Variants in TTC6 observed in about 807,000 individuals in gnomAD.
TTC6 encodes the protein tetratricopeptide repeat protein 6.
A neutral mutation model predicts 210.4 loss-of-function variants in TTC6; 172 were observed. The observed-to-expected ratio is 0.82, with a 90% CI of 0.72 to 0.93. The LOEUF is 0.93. Among genes scored for constraint, TTC6 ranks in the 40% least tolerant of loss-of-function variants. The pLI, the probability that TTC6 is intolerant of heterozygous loss-of-function variation, is 0.00. For missense variants in TTC6, 2,414 were observed against 2,318.1 expected, an observed-to-expected ratio of 1.04 and a Z score of -0.85; for synonymous variants, 804 against 819.6, an observed-to-expected ratio of 0.98 and a Z score of 0.32.
Position 37,724,804 on chromosome 14 carries a change from T to C in TTC6, c.1714-94T>C, listed in dbSNP as rs911849650. On this transcript the variant is annotated intron_variant, in intron 6 of 30. Coordinates refer to ENST00000553443, the Ensembl canonical transcript of TTC6. ...TCAGAAGCTGTGGAACCAAAAATTCTCAGCAACTAAAAATAATTTTGACAG... is the reference window on the plus strand; with the variant it reads ...TCAGAAGCTGTGGAACCAAAAATTCCCAGCAACTAAAAATAATTTTGACAG... The C allele has an allele frequency of 2.7e-5, 18 of 670,752 alleles. No homozygotes were observed. The East Asian group carries it at 5.2e-4, about 19-fold the overall frequency. 41.6% of individuals were successfully genotyped at this position (670,752 alleles called of 1,614,324 possible). A position where few individuals can be genotyped will look rare whatever the true frequency, so the allele number is the denominator to read the frequency against.
chr14:37,736,897 A>G (rs1391243775), intron 8 of TTC6, among the ~76,000 whole-genome samples: 1 of 151,988 alleles, frequency 6.6e-6, no homozygotes, highest in Non-Finnish European at 1.5e-5. Context: ...TGGGACTACA[A>G]GTGTGCACTA....
At chr14:37,742,584 A>T (rs1278779699) in intron 10 of TTC6, among the ~76,000 whole-genome samples, 55 of 145,922 alleles carry the variant, frequency 3.8e-4, no homozygotes, top group Admixed American at 4.8e-4. Context: ...TAATTTTTGC[A>T]TTTTTTTTTT....
At chr14:37,809,919 C>T (rs2096126357) in intron 24 of TTC6, among the ~76,000 whole-genome samples, 1 of 152,162 alleles carries the variant, frequency 6.6e-6, no homozygotes, top group South Asian at 2.1e-4. Flanking sequence ...CTCCTTATTC[C>T]TGCCCATGTC....
At chr14:37,672,817 C>T (rs376337877) in intron 1 of TTC6, among the ~76,000 whole-genome samples, 2 of 133,462 alleles carry the variant, frequency 1.5e-5, no homozygotes. Context: ...TTCATGAATT[C>T]CTCATTTTTT....
At chr14:37,661,597 G>A (rs2095737527) in intron 1 of TTC6, among the ~76,000 whole-genome samples, 1 of 152,164 alleles carries the variant, frequency 6.6e-6, no homozygotes, top group Non-Finnish European at 1.5e-5. Context: ...TTGAAGTCTG[G>A]TAGCAAGATG....
At chr14:37,788,086 A>T (rs1157657979) in intron 15 of TTC6, among the ~76,000 whole-genome samples, 1 of 152,142 alleles carries the variant, frequency 6.6e-6, no homozygotes, top group Non-Finnish European at 1.5e-5. Flanking sequence ...GCTCAGCCCA[A>T]GGGATTTGTC....
chr14:37,778,898 C>T (rs11621617), intron 14 of TTC6, among the ~76,000 whole-genome samples: 2,096 of 152,236 alleles, frequency 0.014, 22 homozygotes, highest in Non-Finnish European at 0.023. Flanking sequence ...CCAACAACTC[C>T]CCTAGGGCTA....
At chr14:37,781,946 G>T (rs545260231) in intron 14 of TTC6, among the ~76,000 whole-genome samples, 1 of 152,082 alleles carries the variant, frequency 6.6e-6, no homozygotes, top group Non-Finnish European at 1.5e-5. Flanking sequence ...TAGGAGTGTG[G>T]TATTATTTCT....
chr14:37,796,410 T>A, intron 19 of TTC6, 40 bp downstream of exon 21: 2 of 842,594 alleles, frequency 2.4e-6, no homozygotes, highest in Non-Finnish European at 3.6e-6. Flanking sequence ...AATACTTCTT[T>A]AAAATTTTTA....
At chr14:37,785,329 T>G (rs1407103528) in intron 14 of TTC6, among the ~76,000 whole-genome samples, 1 of 152,204 alleles carries the variant, frequency 6.6e-6, no homozygotes, top group African/African-American at 2.4e-5. Flanking sequence ...TTCTTTTTAC[T>G]CTTTTTTCTC....
intron 4 of TTC6, among the ~76,000 whole-genome samples, chr14:37,698,601 G>A (rs2095819154): frequency 6.6e-6 from 1 of 151,948 alleles, no homozygotes; most frequent in Non-Finnish European, 1.5e-5. Flanking sequence ...TTTGTCTCAG[G>A]CATTTCTAAA....
intron 19 of TTC6, 123 bp from the exon 22 acceptor site, chr14:37,796,664 A>G: frequency 1.1e-6 from 1 of 902,544 alleles, no homozygotes; most frequent in Non-Finnish European, 1.6e-6. Flanking sequence ...TGTTAATTTT[A>G]TAATTTATTG....
intron 1 of TTC6, among the ~76,000 whole-genome samples, chr14:37,626,374 C>T (rs891430981): frequency 2.6e-4 from 39 of 152,116 alleles, no homozygotes; most frequent in Admixed American, 1.0e-3. Context: ...AAAAGGAAAA[C>T]GGCTTAATAT....
chr14:37,689,122 T>C (rs1776675218), intron 3 of TTC6, among the ~76,000 whole-genome samples: 1 of 149,922 alleles, frequency 6.7e-6, no homozygotes, highest in Non-Finnish European at 1.5e-5. Flanking sequence ...GAAATTGAAA[T>C]AATTAGAAAG....
In TTC6 at chr14:37,603,880, C is replaced by T. The variant is rs114285892; in HGVS notation, c.-234-2783C>T. ...TCAGACCTGGATTCCAATCGAGATA[C>T]TGCAGGGGACTAGCTCTCCCTGAGC... On this transcript the variant is annotated intron_variant, in intron 1 of 2. Transcript: ENST00000556845. Among the ~76,000 whole-genome samples the T allele has an allele frequency of 3.5e-3, 526 of 152,320 alleles. 3 individuals are homozygous for T. Among genetic ancestry groups the T allele is most frequent in the African/African-American group, 0.012 (509 of 41,570 alleles).
At chr14:37,820,530 T>C (rs937047444) in intron 26 of TTC6, among the ~76,000 whole-genome samples, 2 of 152,182 alleles carry the variant, frequency 1.3e-5, no homozygotes, top group Non-Finnish European at 2.9e-5. Flanking sequence ...TCATAAACCA[T>C]ATATTAGAAT....
At chr14:37,834,729 G>A (rs1035815399) in intron 29 of TTC6, among the ~76,000 whole-genome samples, 4 of 152,074 alleles carry the variant, frequency 2.6e-5, no homozygotes, top group Middle Eastern at 3.2e-3. Flanking sequence ...CTTTTGAGGT[G>A]TATTTCTTTG....
intron 1 of TTC6, among the ~76,000 whole-genome samples, chr14:37,644,357 C>T (rs1038257994): frequency 6.6e-6 from 1 of 152,206 alleles, no homozygotes; most frequent in Admixed American, 6.5e-5. Flanking sequence ...CATCTGCATT[C>T]CCAGGGCCAT....
intron 29 of TTC6, among the ~76,000 whole-genome samples, chr14:37,840,081 G>T (rs548479073): frequency 1.3e-5 from 2 of 152,000 alleles, no homozygotes; most frequent in Non-Finnish European, 2.9e-5. Context: ...GTAGCGTGAT[G>T]CCTCCAGCTA....
Sources: allele counts gnomAD v4.1 joint callset (sites outside exome capture counted in the v4.1 genomes callset), GRCh38; gene constraint gnomAD v4.1.1; transcripts MANE v1.5; gene names NCBI Gene and HGNC (gene_info 2026-07-23, HGNC 2026-07-21).